Variants in EVI5 observed in about 807,000 individuals in gnomAD.
EVI5 encodes ecotropic viral integration site 5 protein homolog.
EVI5 carries 73 observed loss-of-function variants against 112.0 expected under a neutral mutation model. The observed-to-expected ratio is 0.65, with a 90% CI of 0.54 to 0.79. The LOEUF is 0.79. Ranked by LOEUF, EVI5 falls within the 30% of genes least tolerant of loss-of-function variation. EVI5 has a pLI of 0.00. For synonymous variants in EVI5, 305 were observed against 319.9 expected (o/e 0.95, Z 0.50); for missense variants, 900 against 968.8 (o/e 0.93, Z 0.94).
chr1:92,516,089 C>T (rs902895171), intron 19 of EVI5, among the ~76,000 whole-genome samples: 4 of 152,370 alleles, frequency 2.6e-5, no homozygotes, highest in South Asian at 2.1e-4. Context: ...ATTGTTACAA[C>T]TGCCACGTTC....
At chr1:92,595,468 T>C (rs536077209) in intron 18 of EVI5, among the ~76,000 whole-genome samples, 1 of 152,222 alleles carries the variant, frequency 6.6e-6, no homozygotes, top group East Asian at 1.9e-4. Context: ...TAATGTTAAA[T>C]GACGAGTTAA....
chr1:92,769,813 A>C (rs1463832437), intron 1 of EVI5, among the ~76,000 whole-genome samples: 1 of 151,996 alleles, frequency 6.6e-6, no homozygotes, highest in Non-Finnish European at 1.5e-5. Context: ...CATGAACCCG[A>C]GAGGCAGAGC....
rs142529321 is a variant in EVI5 at position 92,535,593 on chromosome 1, T to C, written c.2167-21623A>G. Among the ~76,000 whole-genome samples, 420 of 151,672 alleles carry C rather than the reference T, an allele frequency of 2.8e-3. 5 individuals carry two copies. The highest frequency in any genetic ancestry group is 9.1e-3 in the African/African-American group (375 of 41,310). On this transcript the variant is annotated intron_variant, in intron 19 of 19. Transcript: ENST00000684568. ...CCTTGCAGCCATAAAAAAAAATGAG[T>C]TCATGTCCTTTGCAGGGATATGGAT...
chr1:92,595,917 T>A lies in EVI5; in HGVS notation c.2070+9390A>T, dbSNP rs372165936. Reference sequence around the variant, plus strand: ...ATGCTATTAAGAAAACTTATATAACTACCATGACAGTATGTTGAAATACTG... The same window carrying A: ...ATGCTATTAAGAAAACTTATATAACAACCATGACAGTATGTTGAAATACTG... On this transcript the variant is annotated intron_variant, in intron 18 of 19. Coordinates refer to ENST00000684568, the MANE Select transcript of EVI5 (RefSeq NM_001350197.2). Among the ~76,000 whole-genome samples, 53 of 152,336 alleles carry A rather than the reference T, an allele frequency of 3.5e-4. 1 individual carries two copies. The highest frequency in any genetic ancestry group is 1.2e-3 in the African/African-American group (49 of 41,582).
intron 13 of EVI5, among the ~76,000 whole-genome samples, chr1:92,660,417 T>G (rs912952247): frequency 6.6e-6 from 1 of 151,848 alleles, no homozygotes; most frequent in African/African-American, 2.4e-5. Flanking sequence ...TACTAGAGAC[T>G]AGGGAGGGAA....
intron 13 of EVI5, among the ~76,000 whole-genome samples, chr1:92,660,702 T>C (rs983444346): frequency 2.6e-5 from 4 of 151,936 alleles, no homozygotes; most frequent in Non-Finnish European, 5.9e-5. Flanking sequence ...ATATGCTAAG[T>C]GAAAGAAGCC....
intron 19 of EVI5, among the ~76,000 whole-genome samples, chr1:92,549,337 T>A (rs1176461779): frequency 9.2e-5 from 14 of 152,028 alleles, no homozygotes; most frequent in African/African-American, 1.5e-4. Flanking sequence ...CACCTTATAC[T>A]AAAATTAATT....
In EVI5 at chr1:92,596,333, T is replaced by C. The variant is rs1340403950; in HGVS notation, c.2070+8974A>G. On this transcript the variant is annotated intron_variant, in intron 18 of 19. Coordinates refer to ENST00000684568, the MANE Select transcript of EVI5 (RefSeq NM_001350197.2). ...CGTGACTGCGCCACCGCATTACAGC[T>C]TGGATGACGAAGTGAGACCCTGTCT... Among the ~76,000 whole-genome samples, 2 of 152,122 alleles carry C rather than the reference T, an allele frequency of 1.3e-5. 1 individual carries two copies. Among genetic ancestry groups the C allele is most frequent in the African/African-American group, 4.8e-5 (2 of 41,428 alleles).
intron 7 of EVI5, 57 bp from the exon 8 acceptor site, chr1:92,694,445 G>A (rs34202284): frequency 0.22 from 218,016 of 987,582 alleles, 27,012 homozygotes; most frequent in Non-Finnish European, 0.25. Flanking sequence ...CAACAAAAAC[G>A]AGTCATTTGA....
intron 18 of EVI5, among the ~76,000 whole-genome samples, chr1:92,574,738 T>G (rs1196709704): frequency 6.6e-6 from 1 of 152,218 alleles, no homozygotes; most frequent in East Asian, 1.9e-4. Context: ...TGCTTGTTTT[T>G]CTATAAACAG....
At position 92,511,643 on chromosome 1, in the gene EVI5, G is replaced by C. The variant is rs1390855047; in HGVS notation, c.*2013C>G. ...GAGGCCAGGAGTTCAAGACCAGCCT[G>C]GACAACACAGTGAGACACCTGTCTC... On this transcript the variant is annotated 3_prime_UTR_variant, in exon 20 of 20. Coordinates refer to ENST00000684568, the MANE Select transcript of EVI5 (RefSeq NM_001350197.2). 2 of 151,984 alleles carry C rather than the reference G, an allele frequency of 1.3e-5. No homozygotes were observed. Among genetic ancestry groups the C allele is most frequent in the African/African-American group, 2.4e-5 (1 of 41,350 alleles). 9.4% of individuals were successfully genotyped at this position (151,984 alleles called of 1,614,324 possible).
chr1:92,780,131 C>T (rs552245763), intron 1 of EVI5, among the ~76,000 whole-genome samples: 19 of 152,174 alleles, frequency 1.2e-4, no homozygotes, highest in Middle Eastern at 3.2e-3. Flanking sequence ...TGAGTTCTCA[C>T]GAGATCTGAT....
chr1:92,520,952 TTGC>T (rs987050755), intron 19 of EVI5, among the ~76,000 whole-genome samples: 42 of 150,252 alleles, frequency 2.8e-4, no homozygotes, highest in South Asian at 8.4e-4. Flanking sequence ...ACGTATGAGA[TTGC>T]TGCTTCTTCT....
At chr1:92,786,084 C>G (rs1211815883), upstream of EVI5, among the ~76,000 whole-genome samples, 1 of 98,760 alleles carries the variant, frequency 1.0e-5, no homozygotes, top group African/African-American at 3.2e-5. Context: ...GAACGATACT[C>G]TGTCTCAAAA....
At chr1:92,684,510 C>A (rs1051029972) in intron 9 of EVI5, among the ~76,000 whole-genome samples, 1 of 152,076 alleles carries the variant, frequency 6.6e-6, no homozygotes. Context: ...GGCAAAATAA[C>A]CAGCTAACAT....
chr1:92,614,770 A>T (rs1652642989), intron 16 of EVI5, among the ~76,000 whole-genome samples: 1 of 119,940 alleles, frequency 8.3e-6, no homozygotes, highest in Non-Finnish European at 1.5e-5. Context: ...TAATAAACTC[A>T]TATATATATA....
intron 18 of EVI5, among the ~76,000 whole-genome samples, chr1:92,573,851 CAT>C (rs1182234816): frequency 2.0e-5 from 3 of 152,032 alleles, no homozygotes; most frequent in African/African-American, 7.2e-5. Context: ...GAAAATTCCA[CAT>C]ATATGACTTC....
chr1:92,625,676 A>T, intron 15 of EVI5, 118 bp downstream of exon 15: 1 of 724,554 alleles, frequency 1.4e-6, no homozygotes, highest in Non-Finnish European at 2.3e-6. Flanking sequence ...GACATTAAAC[A>T]GGGTCTCTCT....
intron 18 of EVI5, among the ~76,000 whole-genome samples, chr1:92,595,129 G>A (rs1161738618): frequency 7.3e-5 from 11 of 151,672 alleles, no homozygotes; most frequent in African/African-American, 2.7e-4. Flanking sequence ...TGTTTATTGC[G>A]GCACTATTCA....
Sources: allele counts gnomAD v4.1 joint callset (sites outside exome capture counted in the v4.1 genomes callset), GRCh38; gene constraint gnomAD v4.1.1; transcripts MANE v1.5; gene names NCBI Gene and HGNC (gene_info 2026-07-23, HGNC 2026-07-21).